Variants in FER1L6 observed in about 807,000 individuals in gnomAD.
FER1L6 encodes fer-1-like protein 6.
A neutral mutation model predicts 219.2 loss-of-function variants in FER1L6; 177 were observed. The observed-to-expected ratio is 0.81, with a 90% CI of 0.71 to 0.91. The LOEUF (loss-of-function observed/expected upper bound fraction) is 0.91, where lower values mean the gene tolerates loss of function less well. FER1L6 is among the 40% of genes least tolerant of loss of function. The pLI is 0.00. For missense variants in FER1L6, 2,153 were observed against 2,259.9 expected (o/e 0.95, Z 0.96); for synonymous variants, 768 against 824.3 (o/e 0.93, Z 1.17).
intron 1 of FER1L6, among the ~76,000 whole-genome samples, chr8:123,915,016 A>T (rs1222266723): frequency 2.0e-5 from 3 of 151,660 alleles, no homozygotes; most frequent in Non-Finnish European, 4.4e-5. Context: ...CTTGAACTGA[A>T]CTATAAAAGG....
At chr8:123,958,111 C>T (rs1371323552) in intron 2 of FER1L6, among the ~76,000 whole-genome samples, 1 of 152,242 alleles carries the variant, frequency 6.6e-6, no homozygotes, top group Non-Finnish European at 1.5e-5. Context: ...TTATTGGGTA[C>T]CTCCCACAAT....
At chr8:123,858,623 A>C (rs1816690524) in intron 1 of FER1L6, among the ~76,000 whole-genome samples, 1 of 152,224 alleles carries the variant, frequency 6.6e-6, no homozygotes, top group African/African-American at 2.4e-5. Context: ...TGGGCATGGC[A>C]TCTGTCACTT....
At chr8:124,011,616 A>G (rs1179957442) in intron 14 of FER1L6, among the ~76,000 whole-genome samples, 1 of 150,512 alleles carries the variant, frequency 6.6e-6, no homozygotes, top group Non-Finnish European at 1.5e-5. Context: ...AGAAGTCGGA[A>G]CTACAGGTGC....
chr8:123,893,326 G>C (rs149962386), intron 1 of FER1L6, among the ~76,000 whole-genome samples: 2 of 152,288 alleles, frequency 1.3e-5, no homozygotes, highest in Admixed American at 6.5e-5. Context: ...TGTTTACAAC[G>C]ATTGCTAACC....
intron 1 of FER1L6, among the ~76,000 whole-genome samples, chr8:123,865,394 C>G (rs375076087): frequency 6.7e-6 from 1 of 150,350 alleles, no homozygotes; most frequent in East Asian, 1.9e-4. Flanking sequence ...AGCTGTCAGA[C>G]AGGGACATTT....
intron 1 of FER1L6, among the ~76,000 whole-genome samples, chr8:123,865,019 G>A (rs1413264362): frequency 6.6e-6 from 1 of 151,216 alleles, no homozygotes; most frequent in Non-Finnish European, 1.5e-5. Context: ...TTCCATTGCT[G>A]GTGAGGAGCT....
intron 12 of FER1L6, among the ~76,000 whole-genome samples, chr8:123,996,332 C>T (rs937197503): frequency 6.6e-6 from 1 of 152,116 alleles, no homozygotes; most frequent in Non-Finnish European, 1.5e-5. Context: ...AATCTGGGTG[C>T]TTCAGCATTG....
At chr8:123,956,600 G>A (rs939306564) in intron 2 of FER1L6, among the ~76,000 whole-genome samples, 2 of 152,180 alleles carry the variant, frequency 1.3e-5, no homozygotes, top group Non-Finnish European at 2.9e-5. Context: ...AATAAAGTGT[G>A]GAAGAGATGC....
At position 124,052,724 on chromosome 8, in the gene FER1L6, G is replaced by C. The variant is rs187784971; in HGVS notation, c.2874+2968G>C. 9.7e-3 allele frequency among the ~76,000 whole-genome samples: 1,474 copies of C among 152,234 alleles called. 19 individuals are homozygous for C. Among genetic ancestry groups the C allele is most frequent in the Non-Finnish European group, 0.016 (1,085 of 67,998 alleles). On this transcript the variant is annotated intron_variant, in intron 22 of 40. Coordinates refer to ENST00000522917, the MANE Select transcript of FER1L6 (RefSeq NM_001039112.2). ...CACTTGAACCCAGGAGGCAGAAGTT[G>C]CTGTGAGCCGAGATCGTGTCACTGC...
intron 5 of FER1L6, among the ~76,000 whole-genome samples, chr8:123,968,286 A>T (rs1815650061): frequency 6.6e-6 from 1 of 152,242 alleles, no homozygotes; most frequent in African/African-American, 2.4e-5. Context: ...ATGACGTTAA[A>T]CTGGGCCCAA....
intron 1 of FER1L6, among the ~76,000 whole-genome samples, chr8:123,908,631 G>A (rs1385554439): frequency 3.3e-5 from 5 of 152,198 alleles, no homozygotes; most frequent in African/African-American, 1.2e-4. Context: ...TTTACTAAGT[G>A]TAAGGATAAC....
chr8:124,001,751 C>A (rs1817420761), intron 12 of FER1L6, among the ~76,000 whole-genome samples: 1 of 152,170 alleles, frequency 6.6e-6, no homozygotes, highest in African/African-American at 2.4e-5. Context: ...AATCAAGACC[C>A]TCCCTGTGTT....
intron 22 of FER1L6, among the ~76,000 whole-genome samples, chr8:124,054,740 G>T (rs1487054784): frequency 6.6e-6 from 1 of 152,210 alleles, no homozygotes; most frequent in Non-Finnish European, 1.5e-5. Context: ...GGAGGTCAAT[G>T]TGGCTGGAAT....
At position 123,990,769 on chromosome 8, in the gene FER1L6, G is replaced by T. The variant is rs916278721; in HGVS notation, c.1519+4593G>T. Among the ~76,000 whole-genome samples, 3 of 152,044 alleles carry T rather than the reference G, an allele frequency of 2.0e-5. No individual in the cohort carries two copies. The East Asian group carries it at 5.8e-4, about 29-fold the overall frequency. On this transcript the variant is annotated intron_variant, in intron 12 of 40. Coordinates refer to ENST00000522917, the MANE Select transcript of FER1L6 (RefSeq NM_001039112.2). ...GGTTTTTGTTGTGTTTGCTTTTGGGGTCTTAGTTATAAATTCTTTTCTTAG... is the reference window on the plus strand; with the variant it reads ...GGTTTTTGTTGTGTTTGCTTTTGGGTTCTTAGTTATAAATTCTTTTCTTAG...
intron 15 of FER1L6, chr8:124,015,937 A>G (rs942731334): frequency 5.9e-5 from 9 of 152,510 alleles, no homozygotes; most frequent in African/African-American, 2.2e-4. Flanking sequence ...GCAGCTCAAC[A>G]GGGCTTCTCC....
At chr8:123,941,646 G>A (rs1354315428) in intron 1 of FER1L6, among the ~76,000 whole-genome samples, 1 of 152,186 alleles carries the variant, frequency 6.6e-6, no homozygotes, top group Non-Finnish European at 1.5e-5. Context: ...CACACAGCAG[G>A]ATCATGGTAA....
intron 1 of FER1L6, among the ~76,000 whole-genome samples, chr8:123,869,993 A>G (rs1202222619): frequency 1.3e-5 from 2 of 152,254 alleles, no homozygotes; most frequent in Non-Finnish European, 2.9e-5. Flanking sequence ...TGGGCAAAAC[A>G]TCTACACAGA....
intron 1 of FER1L6, among the ~76,000 whole-genome samples, chr8:123,867,209 A>G (rs972091004): frequency 5.3e-5 from 8 of 152,158 alleles, no homozygotes; most frequent in African/African-American, 1.9e-4. Context: ...TCTTATGTTT[A>G]AGTCTTTTAT....
At chr8:124,082,677 C>T (rs930767677) in intron 33 of FER1L6, among the ~76,000 whole-genome samples, 1 of 152,158 alleles carries the variant, frequency 6.6e-6, no homozygotes, top group Non-Finnish European at 1.5e-5. Flanking sequence ...GATTGAGAAC[C>T]AAGGGCAGGT....
Sources: allele counts gnomAD v4.1 joint callset (sites outside exome capture counted in the v4.1 genomes callset), GRCh38; gene constraint gnomAD v4.1.1; transcripts MANE v1.5; gene names NCBI Gene and HGNC (gene_info 2026-07-23, HGNC 2026-07-21).